PTPRN2: variants seen among roughly 807,000 people sequenced by gnomAD.
PTPRN2 encodes the protein receptor-type tyrosine-protein phosphatase N2.
PTPRN2 carries 74 observed loss-of-function variants against 118.8 expected under a neutral mutation model. The ratio of observed to expected loss-of-function variants is 0.62; its 90% CI spans 0.52 to 0.76. The LOEUF (loss-of-function observed/expected upper bound fraction) is 0.76. Among genes scored for constraint, PTPRN2 ranks in the 30% least tolerant of loss-of-function variants. PTPRN2 has a pLI of 0.00. For synonymous variants in PTPRN2, 641 were observed against 608.0 expected (o/e 1.05, Z -0.80); for missense variants, 1,481 against 1,394.4 (o/e 1.06, Z -0.99).
At chr7:158,489,405 C>A (rs933902455) in intron 2 of PTPRN2, among the ~76,000 whole-genome samples, 2 of 152,234 alleles carry the variant, frequency 1.3e-5, no homozygotes, top group African/African-American at 4.8e-5. Flanking sequence ...GGAGATAGCC[C>A]CGCTGCCCTC....
chr7:157,591,179 C>G lies in PTPRN2; in HGVS notation c.2496+4059G>C, dbSNP rs1025058560. On this transcript the variant is annotated intron_variant, in intron 17 of 22. Transcript: ENST00000389418. The surrounding 1 kb of genome is among the most constrained non-coding windows in gnomAD (Gnocchi z 4.4). ...CAGGGAGGCAGAGATGAGGGGGACA[C>G]TTCGAATCCCCCAAGGAGTGCACGG... 1.3e-5 allele frequency among the ~76,000 whole-genome samples: 2 copies of G among 152,148 alleles called. No homozygotes were observed. The highest frequency in any genetic ancestry group is 4.8e-5 in the African/African-American group (2 of 41,436).
At chr7:158,469,430 A>T (rs1288995010) in intron 2 of PTPRN2, among the ~76,000 whole-genome samples, 1 of 152,208 alleles carries the variant, frequency 6.6e-6, no homozygotes, top group Non-Finnish European at 1.5e-5. Context: ...CAACAGAGGG[A>T]GACCATCTCC....
intron 17 of PTPRN2, among the ~76,000 whole-genome samples, chr7:157,586,884 G>A (rs1420516680): frequency 1.3e-5 from 2 of 152,236 alleles, no homozygotes; most frequent in Non-Finnish European, 2.9e-5. Flanking sequence ...GCCATCTTTG[G>A]AGGATTTAAA....
chr7:158,262,917 ACACACATT>A (rs1797592607), intron 3 of PTPRN2, among the ~76,000 whole-genome samples: 3 of 129,258 alleles, frequency 2.3e-5, no homozygotes, highest in African/African-American at 9.6e-5. Flanking sequence ...TTCACACTGC[ACACACATT>A]CACACACTGC....
rs1827501727 is a variant in PTPRN2 at position 158,563,422 on chromosome 7, G to C, written c.112+24136C>G. 6.6e-6 allele frequency among the ~76,000 whole-genome samples: 1 copy of C among 152,232 alleles called. No individual in the cohort carries two copies. Among genetic ancestry groups the C allele is most frequent in the Non-Finnish European group, 1.5e-5 (1 of 68,042 alleles). On this transcript the variant is annotated intron_variant, in intron 1 of 22. Transcript: ENST00000389418. The surrounding 1 kb of genome is among the most constrained non-coding windows in gnomAD (Gnocchi z 5.1). The stretch of plus-strand genomic sequence containing the variant: ...CTGCAGCAGTTTGCAAGTTGGCCGT[G>C]ATGTCTCATAATATGAAGTTTGGGT...
In PTPRN2 at chr7:158,093,426, C is replaced by T. The variant is rs1246609910; in HGVS notation, c.1644-12049G>A. ...GACTCTGTCGCTGGACCGACCCCCA[C>T]ACTGTTTGTGCTTTTACTCCCTGAA... is the stretch of plus-strand genomic sequence containing the variant. On this transcript the variant is annotated intron_variant, in intron 10 of 22. Transcript: ENST00000389418. This position sits in a 1 kb window ranked among gnomAD's most constrained non-coding sequence, Gnocchi z 4.4. Among the ~76,000 whole-genome samples the T allele has an allele frequency of 6.6e-6, 1 of 152,232 alleles. No homozygotes were observed. The highest frequency in any genetic ancestry group is 2.4e-5 in the African/African-American group (1 of 41,454).
intron 14 of PTPRN2, among the ~76,000 whole-genome samples, chr7:157,625,450 G>A (rs1426204376): frequency 1.3e-5 from 2 of 152,186 alleles, no homozygotes; most frequent in East Asian, 3.9e-4. Flanking sequence ...TGAGACTGGA[G>A]ACTATTCTTC....
intron 1 of PTPRN2, 39 bp from the exon 2 acceptor site, chr7:158,489,824 G>T (rs918408294): frequency 5.8e-6 from 9 of 1,542,198 alleles, no homozygotes; most frequent in African/African-American, 5.5e-5. Flanking sequence ...CAGCTGGAGG[G>T]GAGGAGGGGG....
intron 13 of PTPRN2, among the ~76,000 whole-genome samples, chr7:157,672,933 C>A (rs1325460144): frequency 6.6e-6 from 1 of 152,208 alleles, no homozygotes; most frequent in African/African-American, 2.4e-5. Context: ...CAGACCCAGA[C>A]ACTCAATTCT....
At chr7:158,194,941 T>C (rs1356179176) in intron 4 of PTPRN2, among the ~76,000 whole-genome samples, 6 of 152,240 alleles carry the variant, frequency 3.9e-5, no homozygotes, top group East Asian at 3.8e-4. Context: ...TTGACAGCTA[T>C]GTTATCAACC....
chr7:157,677,036 C>T (rs1232653090), intron 13 of PTPRN2, among the ~76,000 whole-genome samples: 5 of 152,104 alleles, frequency 3.3e-5, no homozygotes, highest in Non-Finnish European at 5.9e-5. Flanking sequence ...GGGCCCAGCC[C>T]TCTTCCTTGG....
At chr7:157,556,634 C>T (rs556377443) in intron 21 of PTPRN2, among the ~76,000 whole-genome samples, 20 of 151,478 alleles carry the variant, frequency 1.3e-4, no homozygotes, top group African/African-American at 4.9e-4. Context: ...TATGCACATG[C>T]ACACACACAC....
chr7:157,575,717 G>A (rs1006606556), intron 19 of PTPRN2, among the ~76,000 whole-genome samples: 9 of 152,152 alleles, frequency 5.9e-5, no homozygotes, highest in African/African-American at 2.2e-4. Flanking sequence ...ATGAGTAACT[G>A]TTAAGAATCA....
At chr7:157,846,544 C>G (rs1808815883) in intron 12 of PTPRN2, among the ~76,000 whole-genome samples, 1 of 152,158 alleles carries the variant, frequency 6.6e-6, no homozygotes, top group African/African-American at 2.4e-5. Flanking sequence ...ACCAGTTTGT[C>G]ACTGCCCTGA....
intron 12 of PTPRN2, among the ~76,000 whole-genome samples, chr7:157,799,987 G>A (rs1377634227): frequency 2.0e-5 from 3 of 149,498 alleles, no homozygotes; most frequent in Non-Finnish European, 4.5e-5. Context: ...TACCACAGCC[G>A]GCCTCCCCCA....
chr7:158,132,544 AC>A (rs148524815), intron 9 of PTPRN2, among the ~76,000 whole-genome samples: 40,700 of 151,038 alleles, frequency 0.27, 5,761 homozygotes, highest in South Asian at 0.4. Context: ...ATATACACAC[AC>A]ATGCATACAC....
chr7:158,330,684 AG>A (rs1804187241), intron 2 of PTPRN2, among the ~76,000 whole-genome samples: 1 of 114,244 alleles, frequency 8.8e-6, no homozygotes, highest in African/African-American at 2.8e-5. Context: ...TGAGGCACAA[AG>A]AGGTCACTCA....
chr7:158,150,033 G>A (rs140043154), intron 6 of PTPRN2, among the ~76,000 whole-genome samples: 1 of 152,344 alleles, frequency 6.6e-6, no homozygotes, highest in East Asian at 1.9e-4. Flanking sequence ...GGCGTAGTGT[G>A]GCATCAAGGG....
chr7:157,641,399 A>G (rs1334612952), intron 14 of PTPRN2, among the ~76,000 whole-genome samples: 6 of 152,232 alleles, frequency 3.9e-5, no homozygotes, highest in African/African-American at 1.4e-4. Flanking sequence ...TAGCTTTTTT[A>G]AAGAAAAACT....
Sources: gnomAD v4.1 joint callset for allele counts (sites outside exome capture counted in the v4.1 genomes callset) on GRCh38, gnomAD v4.1.1 for gene constraint, Gnocchi (gnomAD v3.1) non-coding constraint, MANE v1.5 for transcripts, NCBI Gene and HGNC (gene_info 2026-07-23, HGNC 2026-07-21) for gene names.